Variants in GSDME observed in about 807,000 individuals in gnomAD.
The protein encoded by GSDME is gasdermin E.
In GSDME, 44 loss-of-function variants were observed where a neutral mutation model predicts 47.5. The observed-to-expected ratio is 0.93, with a 90% CI of 0.73 to 1.19. The LOEUF (loss-of-function observed/expected upper bound fraction) is 1.19, where lower values mean the gene tolerates loss of function less well. Ranked by LOEUF, GSDME falls within the 50% of genes most tolerant of loss-of-function variation. The pLI is 0.00. For missense variants in GSDME, 663 were observed against 604.2 expected (o/e 1.10, Z -1.02); for synonymous variants, 258 against 252.8 (o/e 1.02, Z -0.20).
intron 5 of GSDME, among the ~76,000 whole-genome samples, chr7:24,711,198 A>T (rs6960203): frequency 0.038 from 5,826 of 152,278 alleles, 156 homozygotes; most frequent in Non-Finnish European, 0.057. Context: ...CATGTGGGAA[A>T]TGTCCATAAT....
Position 24,725,430 on chromosome 7 carries a change from C to T in GSDME, c.405-6212G>A, listed in dbSNP as rs546780594. Reference sequence around the variant, plus strand: ...GAGCCCTCAGCCAGGTGTAGGAGGACGAGCCGCAGACAAAACTCCTCAGAT... The same window carrying T: ...GAGCCCTCAGCCAGGTGTAGGAGGATGAGCCGCAGACAAAACTCCTCAGAT... On this transcript the variant is annotated intron_variant, in intron 3 of 9. Coordinates refer to ENST00000645220, the MANE Select transcript of GSDME (RefSeq NM_001127453.2). This position sits in a 1 kb window ranked among gnomAD's most constrained non-coding sequence, Gnocchi z 5.1. Among the ~76,000 whole-genome samples, 5 of 152,158 alleles carry T rather than the reference C, an allele frequency of 3.3e-5. No homozygotes were observed. The highest frequency in any genetic ancestry group is 7.2e-5 in the African/African-American group (3 of 41,518).
chr7:24,779,521 G>GTGTGTGTGTGTGTGTGTGTGTGTC, the GSDME span, among the ~76,000 whole-genome samples: 1 of 151,796 alleles, frequency 6.6e-6, no homozygotes, highest in African/African-American at 2.4e-5. This position sits in a 1 kb window ranked among gnomAD's most constrained non-coding sequence, Gnocchi z 6.0. Flanking sequence ...GTGTGTGTGT[G>GTGTGTGTGTGTGTGTGTGTGTGTC]TGTGTGTGTC....
chr7:24,744,343 T>G lies in GSDME; in HGVS notation c.404+219A>C, dbSNP rs879195845. 2.5e-5 allele frequency: 15 copies of G among 595,688 alleles called. No homozygotes were observed. Among genetic ancestry groups the G allele is most frequent in the Non-Finnish European group, 4.2e-5 (14 of 334,736 alleles). The allele number at this position is 595,688 out of a possible 1,614,324, so 36.9% of individuals were successfully genotyped here. On this transcript the variant is annotated intron_variant, in intron 3 of 9. Coordinates refer to ENST00000645220, the MANE Select transcript of GSDME (RefSeq NM_001127453.2). This position sits in a 1 kb window ranked among gnomAD's most constrained non-coding sequence, Gnocchi z 4.5. Reference sequence around the variant, plus strand: ...CATATTTGCCTGAAGTAACATCCTTTGAAAGTGCTTCCCAAGTCTCCCCCC... The same window carrying G: ...CATATTTGCCTGAAGTAACATCCTTGGAAAGTGCTTCCCAAGTCTCCCCCC...
Position 24,718,964 on chromosome 7 carries a change from TGAA to T in GSDME, c.576+80_576+82del. On this transcript the variant is annotated intron_variant, in intron 4 of 9. Coordinates refer to ENST00000645220, the MANE Select transcript of GSDME (RefSeq NM_001127453.2). ...TTGCTACGGAAAGAGTCCTGACTAA[TGAA>T]GACACCACCCAAAGAGGCCCCCAAC... is the stretch of plus-strand genomic sequence containing the variant. 6 of 1,480,660 alleles carry T rather than the reference TGAA, an allele frequency of 4.1e-6. No individual in the cohort carries two copies. The Middle Eastern group carries it at 7.2e-4, about 177-fold the overall frequency. 91.7% of individuals were successfully genotyped at this position (1,480,660 alleles called of 1,614,324 possible).
rs1343439036 is a variant in GSDME, at chr7:24,749,592, T to TAC, written c.181_182dup (p.Leu62TyrfsTer3). The TAC allele has an allele frequency of 6.2e-7, 1 of 1,613,570 alleles. No homozygotes were observed. Among genetic ancestry groups the TAC allele is most frequent in the Non-Finnish European group, 8.5e-7 (1 of 1,179,986 alleles). On this transcript the variant is annotated frameshift_variant, in exon 2 of 10. Coordinates refer to ENST00000645220, the MANE Select transcript of GSDME (RefSeq NM_001127453.2). LOFTEE classifies it high-confidence loss of function. ...GACTCGGAAATTGGTCTTCTATGAG[T>TAC]ACATCGCCAAGGGTGAGGGATAAAA...
the GSDME span, among the ~76,000 whole-genome samples, chr7:24,794,995 A>G: frequency 1.3e-5 from 2 of 152,160 alleles, no homozygotes; most frequent in Non-Finnish European, 2.9e-5. Context: ...AGTCAAAATC[A>G]AAACCAAAAC....
the GSDME span, among the ~76,000 whole-genome samples, chr7:24,790,761 G>T: frequency 3.3e-5 from 5 of 152,144 alleles, no homozygotes; most frequent in African/African-American, 1.2e-4. This position sits in a 1 kb window ranked among gnomAD's most constrained non-coding sequence, Gnocchi z 4.1. Context: ...GGCACTTCTT[G>T]GCTACATCCC....
At chr7:24,788,200 C>T in the GSDME span, among the ~76,000 whole-genome samples, 1 of 152,208 alleles carries the variant, frequency 6.6e-6, no homozygotes, top group Non-Finnish European at 1.5e-5. This position sits in a 1 kb window ranked among gnomAD's most constrained non-coding sequence, Gnocchi z 4.6. Flanking sequence ...GGCTCTTCCC[C>T]TGCCCCAGGG....
At chr7:24,755,705 T>C (rs1790993055) in intron 1 of GSDME, among the ~76,000 whole-genome samples, 1 of 152,224 alleles carries the variant, frequency 6.6e-6, no homozygotes, top group Non-Finnish European at 1.5e-5. Flanking sequence ...GCCTGTGCCC[T>C]TGACCACTCT....
At chr7:24,767,684 G>A in the GSDME span, among the ~76,000 whole-genome samples, 1 of 151,566 alleles carries the variant, frequency 6.6e-6, no homozygotes, top group Non-Finnish European at 1.5e-5. The surrounding 1 kb of genome is among the most constrained non-coding windows in gnomAD (Gnocchi z 5.3). Flanking sequence ...ACCAGTCATT[G>A]TAGGGCTAAG....
chr7:24,720,920 AAAG>A (rs1426219114), intron 3 of GSDME, among the ~76,000 whole-genome samples: 34 of 152,328 alleles, frequency 2.2e-4, no homozygotes, highest in Middle Eastern at 6.8e-3. Context: ...AAAAAAAAAA[AAAG>A]AAGTGAAGTT....
intron 6 of GSDME, 24 bp downstream of exon 6, chr7:24,710,199 AC>A: frequency 6.2e-7 from 1 of 1,612,352 alleles, no homozygotes; most frequent in Non-Finnish European, 8.5e-7. Flanking sequence ...TCAACTGCCC[AC>A]TACTCCTGCC....
chr7:24,772,766 T>G, the GSDME span, among the ~76,000 whole-genome samples: 135 of 152,326 alleles, frequency 8.9e-4, no homozygotes, highest in Middle Eastern at 3.4e-3. This position sits in a 1 kb window ranked among gnomAD's most constrained non-coding sequence, Gnocchi z 4.5. Context: ...TGTAGTTCAG[T>G]AATATTTCAG....
Position 24,726,049 on chromosome 7 carries a change from G to A in GSDME, c.405-6831C>T, listed in dbSNP as rs1173304448. Among the ~76,000 whole-genome samples the A allele has an allele frequency of 6.6e-6, 1 of 152,278 alleles. No individual in the cohort carries two copies. Among genetic ancestry groups the A allele is most frequent in the East Asian group, 1.9e-4 (1 of 5,170 alleles). ...CTGGGAGGCGGCAGGCAGAGATGGA[G>A]GGAGGGAAGCGTGGCTCAGAGCCCA... is the stretch of plus-strand genomic sequence containing the variant. On this transcript the variant is annotated intron_variant, in intron 3 of 9. Transcript: ENST00000645220. This position sits in a 1 kb window ranked among gnomAD's most constrained non-coding sequence, Gnocchi z 5.6.
rs1789541869 is a variant in GSDME, at chr7:24,716,077, G to A, written c.697+1177C>T. Among the ~76,000 whole-genome samples the A allele has an allele frequency of 6.6e-6, 1 of 152,264 alleles. No homozygotes were observed. Among genetic ancestry groups the A allele is most frequent in the Admixed American group, 6.5e-5 (1 of 15,292 alleles). ...TGTGGGCTTAGCGAGGGCAGGAGCT[G>A]TCTCACGGGAGACTGCCCCCCACCC... On this transcript the variant is annotated intron_variant, in intron 5 of 9. Coordinates refer to ENST00000645220, the MANE Select transcript of GSDME (RefSeq NM_001127453.2). This position sits in a 1 kb window ranked among gnomAD's most constrained non-coding sequence, Gnocchi z 4.5.
intron 3 of GSDME, among the ~76,000 whole-genome samples, chr7:24,741,913 C>T (rs2721803): frequency 0.63 from 96,226 of 152,018 alleles, 32,929 homozygotes; most frequent in East Asian, 0.99. Context: ...ATAGTTCACC[C>T]TGTCCTCCTA....
At chr7:24,785,464 T>C in the GSDME span, among the ~76,000 whole-genome samples, 7 of 152,222 alleles carry the variant, frequency 4.6e-5, no homozygotes, top group South Asian at 2.1e-4. Flanking sequence ...TGTTTGTTTG[T>C]TTGTTTTTTT....
At chr7:24,792,341 T>C in the GSDME span, among the ~76,000 whole-genome samples, 8,765 of 152,192 alleles carry the variant, frequency 0.058, 615 homozygotes, top group African/African-American at 0.16. Context: ...ATAAAAGCTG[T>C]ATATTGGGGG....
intron 7 of GSDME, 60 bp from the exon 8 acceptor site, chr7:24,706,436 G>T: frequency 6.5e-7 from 1 of 1,545,070 alleles, no homozygotes; most frequent in East Asian, 2.4e-5. Flanking sequence ...CCACAGCTGG[G>T]GCCTCCGCTC....
Sources: gnomAD v4.1 joint callset for allele counts (sites outside exome capture counted in the v4.1 genomes callset) on GRCh38, gnomAD v4.1.1 for gene constraint, Gnocchi (gnomAD v3.1) non-coding constraint, MANE v1.5 for transcripts, NCBI Gene and HGNC (gene_info 2026-07-23, HGNC 2026-07-21) for gene names.